The following GADL1 variants were observed in gnomAD, a reference collection of about 807,000 sequenced individuals.
GADL1 encodes GAD like acidic amino acid decarboxylase 1.
In GADL1, 71 loss-of-function variants were observed where a neutral mutation model predicts 69.5. That is an observed-to-expected ratio of 1.02 (90% CI 0.84 to 1.25). GADL1 has a LOEUF of 1.25. Ranked by LOEUF, GADL1 falls within the 50% of genes most tolerant of loss-of-function variation. The probability of loss-of-function intolerance (pLI) is 0.00; values close to 1 mark genes in which losing one functional copy is unlikely to be tolerated. For synonymous variants in GADL1, 254 were observed against 214.4 expected (o/e 1.18, Z -1.62); for missense variants, 737 against 631.8 (o/e 1.17, Z -1.79).
chr3:30,731,436 GC>G (rs1474148079), intron 14 of GADL1, among the ~76,000 whole-genome samples: 2 of 152,082 alleles, frequency 1.3e-5, no homozygotes, highest in Non-Finnish European at 2.9e-5. Flanking sequence ...TATATCTGAG[GC>G]TCACATGAGG....
At chr3:30,846,069 CAAAA>C (rs1397506284) in intron 6 of GADL1, among the ~76,000 whole-genome samples, 47 of 136,896 alleles carry the variant, frequency 3.4e-4, no homozygotes, top group Admixed American at 2.9e-3. Flanking sequence ...AAAAAAAAAA[CAAAA>C]AACTGCAAAA....
chr3:30,873,626 T>C (rs764717906), intron 1 of GADL1, among the ~76,000 whole-genome samples: 3 of 152,008 alleles, frequency 2.0e-5, no homozygotes, highest in Non-Finnish European at 2.9e-5. Context: ...TTACAATTAA[T>C]ATATAGTTTT....
At chr3:30,800,784 C>A (rs1327997782) in intron 12 of GADL1, 105 bp downstream of exon 12, 1 of 917,720 alleles carries the variant, frequency 1.1e-6, no homozygotes, top group Non-Finnish European at 1.7e-6. Context: ...TTCCTTAGGT[C>A]TTCCTATTAC....
chr3:30,757,789 A>G (rs79380487), intron 14 of GADL1, among the ~76,000 whole-genome samples: 5,309 of 152,234 alleles, frequency 0.035, 230 homozygotes, highest in East Asian at 0.14. Context: ...TCTAGTCCGT[A>G]TCTTCTGGAT....
At chr3:30,774,207 CCAGAGGTGT>C (rs1422472658) in intron 14 of GADL1, among the ~76,000 whole-genome samples, 5 of 152,100 alleles carry the variant, frequency 3.3e-5, no homozygotes, top group African/African-American at 7.2e-5. Flanking sequence ...TAGGTGGAAA[CCAGAGGTGT>C]CAGCTGCCCT....
At chr3:30,746,708 T>G (rs1047166062) in intron 14 of GADL1, among the ~76,000 whole-genome samples, 1 of 152,116 alleles carries the variant, frequency 6.6e-6, no homozygotes, top group African/African-American at 2.4e-5. Flanking sequence ...CACACAGAAA[T>G]GCCAACACAT....
At chr3:30,764,018 A>G (rs767483047) in intron 14 of GADL1, among the ~76,000 whole-genome samples, 1 of 152,142 alleles carries the variant, frequency 6.6e-6, no homozygotes, top group Non-Finnish European at 1.5e-5. Context: ...CAAACCTCAA[A>G]TCTCTAAATG....
intron 14 of GADL1, among the ~76,000 whole-genome samples, chr3:30,777,743 G>A (rs773610317): frequency 8.5e-5 from 13 of 152,146 alleles, no homozygotes; most frequent in Non-Finnish European, 1.8e-4. Context: ...TAATCCCCTT[G>A]GGTGTAAGAC....
chr3:30,773,713 G>A (rs1696471710), intron 14 of GADL1, among the ~76,000 whole-genome samples: 1 of 152,034 alleles, frequency 6.6e-6, no homozygotes, highest in Non-Finnish European at 1.5e-5. Flanking sequence ...AGTTTCTTCT[G>A]AAATATTTGC....
intron 12 of GADL1, among the ~76,000 whole-genome samples, chr3:30,794,492 T>C (rs1393752): frequency 0.48 from 72,437 of 151,998 alleles, 18,266 homozygotes; most frequent in East Asian, 0.74. Context: ...TGTGCCATAG[T>C]GGTAGTTTTA....
intron 14 of GADL1, among the ~76,000 whole-genome samples, chr3:30,736,236 T>G (rs576088073): frequency 1.7e-4 from 26 of 152,224 alleles, no homozygotes; most frequent in African/African-American, 6.3e-4. Flanking sequence ...CCAGTTCAGA[T>G]GATAAACTTT....
intron 6 of GADL1, 97 bp downstream of exon 6, chr3:30,849,899 G>A (rs974534643): frequency 1.6e-5 from 11 of 708,596 alleles, no homozygotes; most frequent in Non-Finnish European, 2.7e-5. Context: ...TTAGTCACAT[G>A]GGTATAGGAC....
At chr3:30,740,959 A>T (rs1213325030) in intron 14 of GADL1, among the ~76,000 whole-genome samples, 1 of 136,736 alleles carries the variant, frequency 7.3e-6, no homozygotes, top group Non-Finnish European at 1.5e-5. Context: ...AAATATATTT[A>T]TTATATATTA....
At chr3:30,862,028 G>A (rs72851438) in intron 1 of GADL1, among the ~76,000 whole-genome samples, 3,659 of 151,966 alleles carry the variant, frequency 0.024, 136 homozygotes, top group African/African-American at 0.081. Flanking sequence ...GGCTGAGTTA[G>A]TCATGGAGTA....
chr3:30,859,207 G>A (rs1397476212), intron 2 of GADL1, among the ~76,000 whole-genome samples: 1 of 151,874 alleles, frequency 6.6e-6, no homozygotes, highest in Non-Finnish European at 1.5e-5. Flanking sequence ...TAGGGAAGTA[G>A]CCAGGGAGTG....
chr3:30,859,142 G>A (rs1698277024), intron 2 of GADL1, among the ~76,000 whole-genome samples: 1 of 151,908 alleles, frequency 6.6e-6, no homozygotes, highest in Non-Finnish European at 1.5e-5. Flanking sequence ...AAGAAACGGA[G>A]GGAGGGAATA....
chr3:30,791,256 C>T (rs1328468504), intron 12 of GADL1, among the ~76,000 whole-genome samples: 1 of 152,110 alleles, frequency 6.6e-6, no homozygotes, highest in Non-Finnish European at 1.5e-5. Flanking sequence ...CTTTTTCTCC[C>T]TTTTCAGGCA....
intron 9 of GADL1, among the ~76,000 whole-genome samples, chr3:30,836,822 C>T (rs962366550): frequency 5.9e-5 from 9 of 152,030 alleles, no homozygotes; most frequent in Admixed American, 2.6e-4. Flanking sequence ...ACCAGCCCGA[C>T]GTTTTGTTCT....
intron 14 of GADL1, among the ~76,000 whole-genome samples, chr3:30,742,175 G>A (rs948936611): frequency 6.6e-6 from 1 of 152,030 alleles, no homozygotes; most frequent in Non-Finnish European, 1.5e-5. Flanking sequence ...TCTGTGCTCT[G>A]TCAGAATTCC....
Sources: gnomAD v4.1 joint callset for allele counts (sites outside exome capture counted in the v4.1 genomes callset) on GRCh38, gnomAD v4.1.1 for gene constraint, MANE v1.5 for transcripts, NCBI Gene and HGNC (gene_info 2026-07-23, HGNC 2026-07-21) for gene names.